SIGIRR: variants seen among roughly 807,000 people sequenced by gnomAD.
SIGIRR encodes single Ig and TIR domain containing.
In SIGIRR, 41 loss-of-function variants were observed where a neutral mutation model predicts 45.6. That is an observed-to-expected ratio of 0.90 (90% CI 0.70 to 1.17). SIGIRR has a LOEUF of 1.17. Ranked by LOEUF, SIGIRR falls within the 50% of genes most tolerant of loss-of-function variation. The pLI is 0.00. For synonymous variants in SIGIRR, 298 were observed against 239.0 expected (o/e 1.25, Z -2.28); for missense variants, 599 against 539.6 (o/e 1.11, Z -1.09).
chr11:409,578 G>A lies in SIGIRR; in HGVS notation c.7+290C>T, dbSNP rs1040353286. 4.6e-5 allele frequency: 19 copies of A among 412,536 alleles called. 1 individual carries two copies. Among genetic ancestry groups the A allele is most frequent in the Middle Eastern group, 1.2e-3 (2 of 1,680 alleles). The allele number at this position is 412,536 out of a possible 1,614,324, so 25.6% of individuals were successfully genotyped here. On this transcript the variant is annotated intron_variant, in intron 2 of 9. Coordinates refer to ENST00000431843, the MANE Select transcript of SIGIRR (RefSeq NM_001135054.2). ...GTATGGTCTCCTGCCAGCTCACATC[G>A]GCCACACCCTGCTGTGGGCCCCAGC...
rs755517273 is a variant in SIGIRR at position 405,944 on chromosome 11, G to A, written c.1185C>T (p.Tyr395=). Residue 395 remains tyrosine (Y), a synonymous_variant, in exon 10 of 10, where the codon TAC becomes TAT. Transcript: ENST00000431843. Reference sequence around the variant, plus strand: ...GGCAGTAGAAGTCTGTGCGGGCACTGTAGTTTCGCGAGCCGAGATCCGAGA... The same window carrying A: ...GGCAGTAGAAGTCTGTGCGGGCACTATAGTTTCGCGAGCCGAGATCCGAGA... ...VDVSDLGSRN[Y]SARTDFYCLV... is the part of the protein sequence containing the mutation. The A allele has an allele frequency of 1.1e-5, 18 of 1,610,956 alleles. No homozygotes were observed. Among genetic ancestry groups the A allele is most frequent in the Non-Finnish European group, 1.4e-5 (17 of 1,179,168 alleles).
chr11:407,216 GGCCGGAGGCTCAGGGGCGGT>G lies in SIGIRR; in HGVS notation c.626-72_626-53del, dbSNP rs1180705606. ...CAGGGGCGGGGGCGGGGGAGGGCGGGGCCGGAGGCTCAGGGGCGGTGCCGGACGCAGAGCTCTAAGGGAGG... is the reference window on the plus strand; with the variant it reads ...CAGGGGCGGGGGCGGGGGAGGGCGGGGCCGGACGCAGAGCTCTAAGGGAGG... On this transcript the variant is annotated intron_variant, in intron 6 of 9. Coordinates refer to ENST00000431843, the MANE Select transcript of SIGIRR (RefSeq NM_001135054.2). The G allele has an allele frequency of 6.1e-5, 45 of 740,424 alleles. No homozygotes were observed. The Middle Eastern group carries it at 1.2e-3, about 20-fold the overall frequency. The allele number at this position is 740,424 out of a possible 1,614,324, so 45.9% of individuals were successfully genotyped here.
chr11:416,545 C>A (rs1847886908), upstream of SIGIRR, among the ~76,000 whole-genome samples: 1 of 152,190 alleles, frequency 6.6e-6, no homozygotes, highest in Non-Finnish European at 1.5e-5. This position sits in a 1 kb window ranked among gnomAD's most constrained non-coding sequence, Gnocchi z 9.1. Flanking sequence ...GCCAGCTCCT[C>A]CCGCCCTCAG....
At chr11:407,234 G>A (rs1238485775) in intron 6 of SIGIRR, 70 bp from the exon 7 acceptor site, 18 of 1,068,416 alleles carry the variant, frequency 1.7e-5, no homozygotes, top group Non-Finnish European at 2.1e-5. Flanking sequence ...GCTCAGGGGC[G>A]GTGCCGGACG....
intron 5 of SIGIRR, 95 bp from the exon 6 acceptor site, chr11:407,663 G>C: frequency 6.4e-7 from 1 of 1,559,822 alleles, no homozygotes; most frequent in Non-Finnish European, 8.7e-7. Flanking sequence ...CGTGCACAGG[G>C]GCAGACCCGC....
At chr11:407,243 C>T (rs1360894355) in intron 6 of SIGIRR, 79 bp from the exon 7 acceptor site, 5 of 611,402 alleles carry the variant, frequency 8.2e-6, no homozygotes, top group Non-Finnish European at 1.2e-5. Context: ...CGGTGCCGGA[C>T]GCAGAGCTCT....
intron 6 of SIGIRR, 107 bp downstream of exon 6, chr11:407,317 TG>T (rs1258615519): frequency 4.9e-5 from 33 of 679,808 alleles, no homozygotes; most frequent in African/African-American, 1.9e-4. Flanking sequence ...TGGGCGGGGA[TG>T]GGGGCGGAGC....
intron 6 of SIGIRR, 54 bp downstream of exon 6, chr11:407,371 C>CGGGGT: frequency 1.3e-6 from 1 of 766,632 alleles, no homozygotes; most frequent in Non-Finnish European, 1.7e-6. Context: ...GAGCATGGGG[C>CGGGGT]GGGGCGGGGC....
At chr11:406,650 C>T in intron 8 of SIGIRR, 112 bp from the exon 9 acceptor site, 1 of 1,436,406 alleles carries the variant, frequency 7.0e-7, no homozygotes, top group Non-Finnish European at 9.2e-7. Context: ...CCTGCGACAG[C>T]TATTCCGTGG....
In SIGIRR at chr11:407,143, A is replaced by G. The variant is rs1220618823; in HGVS notation, c.647T>C (p.Val216Ala). 1.3e-6 allele frequency: 2 copies of G among 1,491,918 alleles called. No homozygotes were observed. The highest frequency in any genetic ancestry group is 1.8e-6 in the Non-Finnish European group (2 of 1,121,368). The allele number at this position is 1,491,918 out of a possible 1,614,324, so 92.4% of individuals were successfully genotyped here. ...PRAEPSADLL[V>A]NLSRCRRLIV... The stretch of plus-strand genomic sequence containing the variant: ...GAGGCGTCGGCAGCGGCTCAGGTTC[A>G]CCAAGAGGTCGGCGGAGGGCTCTGC... The change falls in exon 7 of 10, where the codon GTG (valine) becomes GCG (alanine). Residue 216 changes from valine (V) to alanine (A), a missense_variant. Coordinates refer to ENST00000431843, the MANE Select transcript of SIGIRR (RefSeq NM_001135054.2).
intron 2 of SIGIRR, 51 bp from the exon 3 acceptor site, chr11:408,944 C>T: frequency 6.4e-7 from 1 of 1,552,980 alleles, no homozygotes; most frequent in Non-Finnish European, 8.9e-7. Context: ...CCTGGCCCCA[C>T]CACCTCCACA....
Position 406,487 on chromosome 11 carries a change from C to A in SIGIRR, c.931G>T (p.Val311Leu), listed in dbSNP as rs1847309331. Residue 311 changes from valine (V) to leucine (L), a missense_variant, in exon 9 of 10, where the codon GTG (valine) becomes TTG (leucine). Val to Leu is a conservative substitution (Grantham distance 32). Coordinates refer to ENST00000431843, the MANE Select transcript of SIGIRR (RefSeq NM_001135054.2). ...TCTCCTTCCACAGGCCTGTACTGCA[C>A]CTTCCGCGGCAGCGCCAGCTGCACT... is the stretch of plus-strand genomic sequence containing the variant. ...KEVQLALPRK[V>L]QYRPVEGDPQ... 1 of 1,611,758 alleles carries A rather than the reference C, an allele frequency of 6.2e-7. No individual in the cohort carries two copies. Among genetic ancestry groups the A allele is most frequent in the African/African-American group, 1.3e-5 (1 of 74,936 alleles).
At position 407,959 on chromosome 11, in the gene SIGIRR, T is replaced by C; in HGVS notation, c.341-2A>G. On this transcript the variant is annotated splice_acceptor_variant, in intron 4 of 9. Transcript: ENST00000431843. LOFTEE classifies it high-confidence loss of function. ...CCGCAGCCACGTGGCTTGTAGGGCC[T>C]GCGGATGGGTTGCCTGAGCCGCTGC... The C allele has an allele frequency of 6.2e-7, 1 of 1,604,744 alleles. No homozygotes were observed. Among genetic ancestry groups the C allele is most frequent in the Non-Finnish European group, 8.5e-7 (1 of 1,175,128 alleles).
intron 1 of SIGIRR, among the ~76,000 whole-genome samples, chr11:410,835 C>T (rs1590382225): frequency 3.0e-5 from 1 of 33,360 alleles, no homozygotes; most frequent in Non-Finnish European, 5.9e-5. Flanking sequence ...AGGGGGGTGC[C>T]CAGCTCTGAC....
chr11:407,538 T>C lies in SIGIRR; in HGVS notation c.512A>G (p.Tyr171Cys), dbSNP rs774305660. The change falls in exon 6 of 10, where the codon TAC (tyrosine) becomes TGC (cysteine). Residue 171 changes from tyrosine to cysteine, a missense_variant. Tyr to Cys is a radical substitution (Grantham distance 194). Transcript: ENST00000431843. ...CTTGCGGTCCTCGGGGCAGTCGCTG[T>C]AGGAGACGTAGGCGTCGTAGAGCTT... ...DGKLYDAYVSYSDCPEDRKFV... is the reference protein window; with the variant it reads ...DGKLYDAYVSCSDCPEDRKFV... 6.2e-7 allele frequency: 1 copy of C among 1,609,476 alleles called. No individual in the cohort carries two copies. The highest frequency in any genetic ancestry group is 1.1e-5 in the South Asian group (1 of 90,578).
chr11:415,369 TG>T (rs1471691999), upstream of SIGIRR, among the ~76,000 whole-genome samples: 1 of 144,406 alleles, frequency 6.9e-6, no homozygotes, highest in African/African-American at 2.6e-5. This position sits in a 1 kb window ranked among gnomAD's most constrained non-coding sequence, Gnocchi z 6.6. Flanking sequence ...GGGTAATGCA[TG>T]GGGGGTCCTC....
Position 406,983 on chromosome 11 carries a change from AC to A in SIGIRR, c.738del (p.Cys247AlafsTer37), listed in dbSNP as rs1281878679. 6.2e-7 allele frequency: 1 copy of A among 1,600,120 alleles called. No individual in the cohort carries two copies. Among genetic ancestry groups the A allele is most frequent in the African/African-American group, 1.3e-5 (1 of 74,344 alleles). On this transcript the variant is annotated frameshift_variant, in exon 8 of 10. Transcript: ENST00000431843. LOFTEE classifies it high-confidence loss of function. ...AWCSHSFREGLCRLLELTRRP... is the reference protein window; with the variant it reads ...AWCSHSFREGXCRLLELTRRP... ...CTGCGGGTGAGCTCCAGCAGCCGGC[AC>A]AGGCCCTCCCTGCGGGGCGGGACCG...
At chr11:409,273 T>C in intron 2 of SIGIRR, 1 of 404,012 alleles carries the variant, frequency 2.5e-6, no homozygotes, top group Non-Finnish European at 4.8e-6. Context: ...GGCCGGGCAC[T>C]GCACCCCTCA....
intron 1 of SIGIRR, among the ~76,000 whole-genome samples, chr11:412,441 CGGGCGG>C (rs1847690393): frequency 2.1e-3 from 7 of 3,260 alleles, no homozygotes; most frequent in Non-Finnish European, 2.5e-3. Context: ...TGGATACAGT[CGGGCGG>C]GGGGGGGTGC....
Sources: gnomAD v4.1 joint callset for allele counts (sites outside exome capture counted in the v4.1 genomes callset) on GRCh38, gnomAD v4.1.1 for gene constraint, Gnocchi (gnomAD v3.1) non-coding constraint, MANE v1.5 for transcripts, NCBI Gene and HGNC (gene_info 2026-07-23, HGNC 2026-07-21) for gene names.